The following ZC3H4 variants were observed in gnomAD, a reference collection of about 807,000 sequenced individuals.
ZC3H4 encodes zinc finger CCCH-type containing 4, also known as zinc finger CCCH domain-containing protein 4.
Under a neutral mutation model 108.3 loss-of-function variants are expected in ZC3H4, and 13 were observed. The observed-to-expected ratio is 0.12, with a 90% CI of 0.08 to 0.19. The LOEUF is 0.19. Ranked by LOEUF, ZC3H4 falls within the 10% of genes least tolerant of loss-of-function variation. The pLI, the probability that ZC3H4 is intolerant of heterozygous loss-of-function variation, is 1.00. For synonymous variants in ZC3H4, 917 were observed against 749.6 expected (o/e 1.22, Z -3.65); for missense variants, 1,734 against 1,838.8 (o/e 0.94, Z 1.04).
At chr19:47,083,082 T>A (rs2057552506) in intron 9 of ZC3H4, among the ~76,000 whole-genome samples, 1 of 151,936 alleles carries the variant, frequency 6.6e-6, no homozygotes, top group Admixed American at 6.5e-5. Context: ...TCTGGCTCTG[T>A]CGCCCAGGCT....
At chr19:47,112,975 G>C (rs77261620) in intron 1 of ZC3H4, among the ~76,000 whole-genome samples, 2,521 of 152,312 alleles carry the variant, frequency 0.017, 66 homozygotes, top group African/African-American at 0.055. Flanking sequence ...GCGAGCGAGG[G>C]GGGTGGGGGG....
intron 11 of ZC3H4, among the ~76,000 whole-genome samples, chr19:47,073,732 C>G (rs1335150040): frequency 6.6e-6 from 1 of 152,230 alleles, no homozygotes; most frequent in African/African-American, 2.4e-5. Flanking sequence ...CCCCCAGCCC[C>G]CGGCAGCCAC....
chr19:47,071,730 T>C (rs903638930), intron 13 of ZC3H4, 48 bp downstream of exon 13: 2 of 1,531,510 alleles, frequency 1.3e-6, no homozygotes, highest in East Asian at 2.3e-5. Flanking sequence ...TCTGCTCCAC[T>C]GGGTAAAGCC....
rs1355478007 is a variant in ZC3H4 at position 47,112,562 on chromosome 19, G to A, written c.23C>T (p.Pro8Leu). The stretch of plus-strand genomic sequence containing the variant: ...CGGCGACTCTGATGGCGGCGGCGGG[G>A]GGGTCCCGGGCGCGGCCTCCATAGT... The part of the protein sequence containing the change: MEAAPGT[P>L]PPPPSESPPP... The change falls in exon 2 of 15, where the codon CCC becomes CTC. Residue 8 changes from proline (P) to leucine (L), a missense_variant. Physicochemically the swap from Pro to Leu is moderately conservative, Grantham distance 98. Transcript: ENST00000253048. The A allele has an allele frequency of 1.9e-5, 20 of 1,047,356 alleles. No homozygotes were observed. Among genetic ancestry groups the A allele is most frequent in the Non-Finnish European group, 2.2e-5 (18 of 814,632 alleles). 64.9% of individuals were successfully genotyped at this position (1,047,356 alleles called of 1,614,324 possible). A position where few individuals can be genotyped will look rare whatever the true frequency, so the allele number is the denominator to read the frequency against.
chr19:47,081,492 C>T, intron 11 of ZC3H4, 21 bp downstream of exon 11: 1 of 1,608,472 alleles, frequency 6.2e-7, no homozygotes, highest in Middle Eastern at 1.7e-4. Flanking sequence ...AGCCGGGGGC[C>T]CCGTTACCCC....
intron 2 of ZC3H4, among the ~76,000 whole-genome samples, chr19:47,103,702 G>A (rs998831869): frequency 8.6e-5 from 13 of 150,980 alleles, no homozygotes; most frequent in Middle Eastern, 3.4e-3. Context: ...CGAGGCGGGC[G>A]GATCACGAGG....
At chr19:47,073,407 T>C (rs907708356) in intron 11 of ZC3H4, among the ~76,000 whole-genome samples, 1 of 151,900 alleles carries the variant, frequency 6.6e-6, no homozygotes, top group African/African-American at 2.4e-5. Context: ...CCATCTCTAC[T>C]AAAAATACAA....
At chr19:47,087,895 T>G (rs1373821363) in intron 5 of ZC3H4, among the ~76,000 whole-genome samples, 1 of 150,550 alleles carries the variant, frequency 6.6e-6, no homozygotes, top group Non-Finnish European at 1.5e-5. Context: ...ATAAATAGGC[T>G]GGGCGCGGTG....
intron 9 of ZC3H4, among the ~76,000 whole-genome samples, chr19:47,082,906 G>A (rs563490388): frequency 2.0e-5 from 3 of 152,130 alleles, no homozygotes; most frequent in Non-Finnish European, 2.9e-5. Context: ...CAGTCTCAAC[G>A]ACACAATACC....
rs2057185555 is a variant in ZC3H4 at position 47,065,863 on chromosome 19, G to A, written c.*493C>T. ...AAAAGACAGTGATGGTGCACCCTAG[G>A]GTTCTAGAAACGCCTGGACCTGCTT... On this transcript the variant is annotated 3_prime_UTR_variant, in exon 15 of 15. Transcript: ENST00000253048. The A allele has an allele frequency of 1.3e-5, 2 of 153,682 alleles. No homozygotes were observed. The highest frequency in any genetic ancestry group is 2.4e-5 in the African/African-American group (1 of 41,652). The allele number at this position is 153,682 out of a possible 1,614,324, so 9.5% of individuals were successfully genotyped here. A position where few individuals can be genotyped will look rare whatever the true frequency, so the allele number is the denominator to read the frequency against.
chr19:47,077,274 G>GC (rs1409359354), intron 11 of ZC3H4, among the ~76,000 whole-genome samples: 11 of 151,854 alleles, frequency 7.2e-5, no homozygotes, highest in Non-Finnish European at 1.0e-4. Flanking sequence ...TTCGAGACCA[G>GC]CCTGGCTAAC....
intron 13 of ZC3H4, 103 bp from the exon 14 acceptor site, chr19:47,069,446 A>G (rs2057287138): frequency 7.0e-7 from 1 of 1,429,174 alleles, no homozygotes; most frequent in Non-Finnish European, 9.4e-7. Flanking sequence ...GGCGATGGAG[A>G]AGGACGCACA....
At position 47,072,149 on chromosome 19, in the gene ZC3H4, G is replaced by A. The variant is rs769597466; in HGVS notation, c.1803-28C>T. 2.0e-5 allele frequency: 30 copies of A among 1,494,160 alleles called. No individual in the cohort carries two copies. The East Asian group carries it at 2.6e-4, about 13-fold the overall frequency. 92.6% of individuals were successfully genotyped at this position (1,494,160 alleles called of 1,614,324 possible). On this transcript the variant is annotated intron_variant, in intron 12 of 14. Coordinates refer to ENST00000253048, the MANE Select transcript of ZC3H4 (RefSeq NM_015168.2). The surrounding 1 kb of genome is among the most constrained non-coding windows in gnomAD (Gnocchi z 5.6). ...AGAAGAGGGAAAAGGTGCCTGTGAC[G>A]GAAGCTGCCGAGGAGGGCAGTGGCC...
At chr19:47,071,710 T>C (rs1258244774) in intron 13 of ZC3H4, 68 bp downstream of exon 13, 2 of 1,483,628 alleles carry the variant, frequency 1.3e-6, no homozygotes, top group African/African-American at 1.4e-5. Flanking sequence ...AAAAATCACA[T>C]CTCCCCAACT....
intron 2 of ZC3H4, among the ~76,000 whole-genome samples, chr19:47,107,168 C>A (rs1427960773): frequency 6.6e-6 from 1 of 152,158 alleles, no homozygotes; most frequent in Non-Finnish European, 1.5e-5. Context: ...TGGCTCCCTG[C>A]AATTAAATAA....
At chr19:47,081,682 G>T in intron 10 of ZC3H4, 60 bp from the exon 11 acceptor site, 2 of 1,405,172 alleles carry the variant, frequency 1.4e-6, no homozygotes, top group South Asian at 1.2e-5. Context: ...CCCCACCACA[G>T]ACCCAAGGCA....
chr19:47,071,885 G>C lies in ZC3H4; in HGVS notation c.2039C>G (p.Pro680Arg), dbSNP rs760570978. ...GATAGGGGGCATCATTCCAGAATGT[G>C]GGGAGTCTCCAGGGCCGTAGGGCAT... ...PMMPYGPGDS[P>R]HSGMMPPIPP... Residue 680 changes from proline to arginine, a missense_variant, in exon 13 of 15, where the codon CCA becomes CGA. Pro to Arg is a moderately radical substitution (Grantham distance 103). This residue lies in a region of ZC3H4 where 540 missense variants were observed against 484.1 expected (regional missense o/e 1.12). Coordinates refer to ENST00000253048, the MANE Select transcript of ZC3H4 (RefSeq NM_015168.2). 3 of 1,612,982 alleles carry C rather than the reference G, an allele frequency of 1.9e-6. No homozygotes were observed. The highest frequency in any genetic ancestry group is 2.5e-6 in the Non-Finnish European group (3 of 1,179,570).
chr19:47,066,970 C>T lies in ZC3H4; in HGVS notation c.3298G>A (p.Ala1100Thr), dbSNP rs748228397. ...CTGGCGGTGGGAGAGGGCGCCTCAG[C>T]AGGGCCGGGCTTGGCAGCCCGGGAG... Reference protein sequence around the residue: ...ASSRAAKPGPAEAPSPTASPS... With the variant: ...ASSRAAKPGPTEAPSPTASPS... The change falls in exon 15 of 15, where the codon GCT becomes ACT. Residue 1100 changes from alanine to threonine, a missense_variant. Ala to Thr is a moderately conservative substitution (Grantham distance 58). Around this residue, in one of 9 missense-constraint regions of ZC3H4, gnomAD observed 518 missense variants for 499.6 expected, o/e 1.04. Coordinates refer to ENST00000253048, the MANE Select transcript of ZC3H4 (RefSeq NM_015168.2). The T allele has an allele frequency of 4.8e-5, 77 of 1,590,094 alleles. No homozygotes were observed. Among genetic ancestry groups the T allele is most frequent in the Non-Finnish European group, 6.2e-5 (73 of 1,168,632 alleles).
intron 5 of ZC3H4, among the ~76,000 whole-genome samples, chr19:47,089,297 A>G (rs2057689633): frequency 2.7e-5 from 4 of 150,908 alleles, no homozygotes; most frequent in South Asian, 2.1e-4. Context: ...GAACCCCTGC[A>G]CTGGAAGATT....
Sources: allele counts gnomAD v4.1 joint callset (sites outside exome capture counted in the v4.1 genomes callset), GRCh38; gene constraint gnomAD v4.1.1; regional missense constraint gnomAD v4.1.1; non-coding constraint Gnocchi (gnomAD v3.1); transcripts MANE v1.5; gene names NCBI Gene and HGNC (gene_info 2026-07-23, HGNC 2026-07-21).